The following NAV3 variants were observed in gnomAD, a reference collection of about 807,000 sequenced individuals.
The protein encoded by NAV3 is neuron navigator 3.
A neutral mutation model predicts 244.7 loss-of-function variants in NAV3; 87 were observed. The observed-to-expected ratio is 0.36, with a 90% CI of 0.30 to 0.42. The LOEUF (loss-of-function observed/expected upper bound fraction) is 0.42, where lower values mean the gene tolerates loss of function less well. Among genes scored for constraint, NAV3 ranks in the 20% least tolerant of loss-of-function variants. The pLI is 1.00. For synonymous variants in NAV3, 1,126 were observed against 1,042.2 expected, an observed-to-expected ratio of 1.08 and a Z score of -1.55; for missense variants, 2,663 against 2,893.3, an observed-to-expected ratio of 0.92 and a Z score of 1.83.
rs1321371982 is a variant in NAV3, at chr12:78,095,102, C to CAT, written c.2637-21660_2637-21659dup. ...ACACACACACACATATATATATACACATATATATATACACATACATATGTA... is the reference window on the plus strand; with the variant it reads ...ACACACACACACATATATATATACACATATATATATATACACATACATATGTA... On this transcript the variant is annotated intron_variant, in intron 12 of 39. Coordinates refer to ENST00000397909, the MANE Select transcript of NAV3 (RefSeq NM_001024383.2). Among the ~76,000 whole-genome samples the CAT allele has an allele frequency of 4.0e-3, 589 of 147,878 alleles. 2 individuals carry two copies. The highest frequency in any genetic ancestry group is 0.013 in the African/African-American group (524 of 39,940).
At chr12:78,181,913 C>G (rs749529668) in intron 30 of NAV3, among the ~76,000 whole-genome samples, 13 of 151,948 alleles carry the variant, frequency 8.6e-5, no homozygotes, top group Non-Finnish European at 1.8e-4. Flanking sequence ...TGAATCACAT[C>G]TCTTCTAAAA....
intron 2 of NAV3, among the ~76,000 whole-genome samples, chr12:77,572,542 C>T (rs1374926870): frequency 1.3e-5 from 2 of 152,114 alleles, no homozygotes; most frequent in Non-Finnish European, 2.9e-5. Context: ...GAACTGACCT[C>T]GTAGGAACAG....
chr12:77,600,558 A>G (rs2136766004), intron 2 of NAV3, among the ~76,000 whole-genome samples: 1 of 152,102 alleles, frequency 6.6e-6, no homozygotes, highest in Non-Finnish European at 1.5e-5. Context: ...TCAGACCAGG[A>G]GAGAAGAGAA....
rs1960802639 is a variant in NAV3 at position 78,210,561 on chromosome 12, T to A, written c.*44T>A. On this transcript the variant is annotated 3_prime_UTR_variant, in exon 40 of 40. Transcript: ENST00000397909. ...GGAAAAGACTTTGCTTTTAAAAAAA[T>A]GTTTCAAAAGAAAGGTATTTTCACT... The A allele has an allele frequency of 5.6e-6, 9 of 1,600,448 alleles. No homozygotes were observed. The highest frequency in any genetic ancestry group is 7.7e-6 in the Non-Finnish European group (9 of 1,174,432).
intron 1 of NAV3, among the ~76,000 whole-genome samples, chr12:77,857,891 G>T (rs7313714): frequency 0.45 from 67,938 of 151,690 alleles, 15,719 homozygotes; most frequent in Non-Finnish European, 0.51. Context: ...GAGTTGATGA[G>T]TTTTATTGTT....
In NAV3 at chr12:77,858,428, C is replaced by T. The variant is rs557330684; in HGVS notation, c.243+26724C>T. ...CAGAAGTTCAACAATGCCTCAGGTTCTCAGGAGGTAGAATGCATATAACCA... is the reference window on the plus strand; with the variant it reads ...CAGAAGTTCAACAATGCCTCAGGTTTTCAGGAGGTAGAATGCATATAACCA... On this transcript the variant is annotated intron_variant, in intron 1 of 39. Transcript: ENST00000397909. Among the ~76,000 whole-genome samples the T allele has an allele frequency of 6.9e-4, 105 of 152,088 alleles. No individual in the cohort carries two copies. In the Middle Eastern group the frequency reaches 0.02, roughly 30 times the overall value.
intron 2 of NAV3, among the ~76,000 whole-genome samples, chr12:77,573,728 G>T (rs1005670346): frequency 6.6e-6 from 1 of 152,018 alleles, no homozygotes; most frequent in Non-Finnish European, 1.5e-5. Context: ...TACTATATTG[G>T]GTGGGTAAAG....
At chr12:77,843,749 AT>A in intron 1 of NAV3, among the ~76,000 whole-genome samples, 1 of 152,254 alleles carries the variant, frequency 6.6e-6, no homozygotes, top group East Asian at 1.9e-4. Context: ...TCAAAAATAT[AT>A]CCAGACAATG....
intron 8 of NAV3, among the ~76,000 whole-genome samples, chr12:78,012,946 A>T (rs1875559065): frequency 1.3e-5 from 2 of 152,116 alleles, no homozygotes; most frequent in Non-Finnish European, 2.9e-5. Flanking sequence ...ACCAAATAAA[A>T]ATTGTTGAAT....
intron 9 of NAV3, among the ~76,000 whole-genome samples, chr12:78,026,488 T>A (rs1878078801): frequency 6.6e-6 from 1 of 152,204 alleles, no homozygotes; most frequent in Non-Finnish European, 1.5e-5. Flanking sequence ...GTCCTGATAT[T>A]CTATTCATTA....
rs913526431 is a variant in NAV3, at chr12:78,172,100, G to T, written c.4982-3206G>T. Reference sequence around the variant, plus strand: ...ACAATCCACTGCAAAAATAATGTTTGTGATAAGAAATTTGAAAGTTGAAGG... The same window carrying T: ...ACAATCCACTGCAAAAATAATGTTTTTGATAAGAAATTTGAAAGTTGAAGG... On this transcript the variant is annotated intron_variant, in intron 24 of 39. Transcript: ENST00000397909. Among the ~76,000 whole-genome samples the T allele has an allele frequency of 3.3e-5, 5 of 151,542 alleles. No individual in the cohort carries two copies. In the Admixed American group the frequency reaches 3.3e-4, roughly 10 times the overall value.
chr12:77,813,627 G>T (rs1872397791), intron 2 of NAV3, among the ~76,000 whole-genome samples: 1 of 152,008 alleles, frequency 6.6e-6, no homozygotes, highest in Non-Finnish European at 1.5e-5. Flanking sequence ...AATAACCTGA[G>T]AGAAAGAAAA....
At chr12:77,587,405 T>C (rs973973864) in intron 2 of NAV3, among the ~76,000 whole-genome samples, 7 of 152,236 alleles carry the variant, frequency 4.6e-5, no homozygotes, top group African/African-American at 1.7e-4. Context: ...ATTATATCCA[T>C]TTATATGATA....
chr12:78,122,796 C>A (rs1222274922), intron 16 of NAV3, among the ~76,000 whole-genome samples: 4 of 151,508 alleles, frequency 2.6e-5, no homozygotes, highest in African/African-American at 7.3e-5. Context: ...TTTGAAAGAC[C>A]AAATTGAAAT....
At chr12:78,153,549 G>A (rs60545817) in intron 22 of NAV3, among the ~76,000 whole-genome samples, 69 of 152,120 alleles carry the variant, frequency 4.5e-4, no homozygotes, top group African/African-American at 1.6e-3. Context: ...CTGGCCTCTC[G>A]CCCACACCTT....
intron 2 of NAV3, among the ~76,000 whole-genome samples, chr12:77,804,510 G>A (rs1704172658): frequency 6.6e-6 from 1 of 152,112 alleles, no homozygotes; most frequent in Non-Finnish European, 1.5e-5. Flanking sequence ...TGAGACCTCT[G>A]TTCTGTTCCA....
At chr12:77,777,672 G>A (rs1032297108) in intron 2 of NAV3, among the ~76,000 whole-genome samples, 7 of 152,240 alleles carry the variant, frequency 4.6e-5, no homozygotes, top group South Asian at 2.1e-4. Flanking sequence ...CTACTATATC[G>A]TTAGGATAAT....
intron 2 of NAV3, among the ~76,000 whole-genome samples, chr12:77,807,271 C>T (rs527875552): frequency 2.0e-4 from 30 of 152,280 alleles, no homozygotes; most frequent in Middle Eastern, 3.4e-3. Context: ...TTCATAGTGT[C>T]GATTGTCTCT....
At chr12:77,786,868 C>G (rs537806187) in intron 2 of NAV3, among the ~76,000 whole-genome samples, 1 of 152,082 alleles carries the variant, frequency 6.6e-6, no homozygotes, top group Admixed American at 6.6e-5. Context: ...CCTTTAGTCT[C>G]GATGTACCTC....
Sources: allele counts gnomAD v4.1 joint callset (sites outside exome capture counted in the v4.1 genomes callset), GRCh38; gene constraint gnomAD v4.1.1; transcripts MANE v1.5; gene names NCBI Gene and HGNC (gene_info 2026-07-23, HGNC 2026-07-21).